Variants in SLC49A4 observed in about 807,000 individuals in gnomAD.
SLC49A4 encodes the protein disrupted in renal cancer protein 2.
Under a neutral mutation model 50.6 loss-of-function variants are expected in SLC49A4, and 36 were observed. The observed-to-expected ratio is 0.71, with a 90% CI of 0.55 to 0.94. The LOEUF is 0.94. SLC49A4 is among the 40% of genes least tolerant of loss of function. The pLI is 0.00. For missense variants in SLC49A4, 503 were observed against 605.7 expected (o/e 0.83, Z 1.78); for synonymous variants, 248 against 241.2 (o/e 1.03, Z -0.26).
intron 2 of SLC49A4, among the ~76,000 whole-genome samples, chr3:122,811,163 G>A (rs1257123454): frequency 1.3e-5 from 2 of 152,090 alleles, no homozygotes; most frequent in African/African-American, 2.4e-5. Context: ...ATTTGCAACC[G>A]TAAGACAAAT....
chr3:122,800,500 T>C (rs1472896098), intron 1 of SLC49A4, among the ~76,000 whole-genome samples: 1 of 152,232 alleles, frequency 6.6e-6, no homozygotes, highest in Non-Finnish European at 1.5e-5. Flanking sequence ...TTAGGTTTTG[T>C]TTTGTTTTTT....
At chr3:122,801,596 CAAAA>C (rs145867722) in intron 1 of SLC49A4, among the ~76,000 whole-genome samples, 3 of 151,674 alleles carry the variant, frequency 2.0e-5, no homozygotes, top group Admixed American at 1.3e-4. Flanking sequence ...ATCTCAAAAA[CAAAA>C]AAAGAAATTG....
intron 2 of SLC49A4, 24 bp from the exon 3 acceptor site, chr3:122,826,776 A>G: frequency 6.2e-7 from 1 of 1,608,320 alleles, no homozygotes; most frequent in Non-Finnish European, 8.5e-7. Flanking sequence ...AATACCTCAC[A>G]GCCTTTTAAT....
At chr3:122,878,298 G>A (rs954893231) in intron 8 of SLC49A4, among the ~76,000 whole-genome samples, 3 of 152,192 alleles carry the variant, frequency 2.0e-5, no homozygotes, top group African/African-American at 7.2e-5. Context: ...CTGCTGAATG[G>A]ATATTAAACT....
intron 5 of SLC49A4, among the ~76,000 whole-genome samples, chr3:122,852,241 T>A (rs1936936201): frequency 6.6e-6 from 1 of 152,154 alleles, no homozygotes; most frequent in South Asian, 2.1e-4. Flanking sequence ...ATTCGCCTGC[T>A]TTGGCTTCCC....
At chr3:122,878,882 T>G (rs2107586615) in intron 8 of SLC49A4, among the ~76,000 whole-genome samples, 1 of 152,364 alleles carries the variant, frequency 6.6e-6, no homozygotes, top group South Asian at 2.1e-4. Flanking sequence ...GTCTTTTTAA[T>G]CCATCAGATA....
intron 4 of SLC49A4, 64 bp from the exon 5 acceptor site, chr3:122,845,699 C>T: frequency 1.5e-6 from 1 of 651,136 alleles, no homozygotes; most frequent in Non-Finnish European, 2.0e-6. Context: ...ATACATTTTT[C>T]ATGACTAAGT....
At chr3:122,822,970 TC>T (rs1014425749) in intron 2 of SLC49A4, among the ~76,000 whole-genome samples, 3 of 152,096 alleles carry the variant, frequency 2.0e-5, no homozygotes, top group African/African-American at 7.2e-5. Context: ...GCCCTCCACC[TC>T]CCCACTGTGT....
chr3:122,854,421 C>T (rs1399774266), intron 5 of SLC49A4, among the ~76,000 whole-genome samples: 1 of 152,218 alleles, frequency 6.6e-6, no homozygotes, highest in East Asian at 1.9e-4. Flanking sequence ...TCTGGGACAG[C>T]GTGTGTAATC....
intron 7 of SLC49A4, 56 bp from the exon 8 acceptor site, chr3:122,872,359 C>G: frequency 7.0e-7 from 1 of 1,423,300 alleles, no homozygotes; most frequent in Middle Eastern, 1.8e-4. Flanking sequence ...GAAGATCTAT[C>G]TGATATGACT....
At chr3:122,810,356 TA>T (rs544997167) in intron 2 of SLC49A4, among the ~76,000 whole-genome samples, 129 of 152,324 alleles carry the variant, frequency 8.5e-4, no homozygotes, top group African/African-American at 2.9e-3. Flanking sequence ...TAACAAATTA[TA>T]AAGCATTTTT....
intron 8 of SLC49A4, among the ~76,000 whole-genome samples, chr3:122,874,167 A>G (rs1937232709): frequency 6.6e-6 from 1 of 152,166 alleles, no homozygotes; most frequent in South Asian, 2.1e-4. Context: ...AGACACCAAT[A>G]ATGGAAACTG....
intron 2 of SLC49A4, among the ~76,000 whole-genome samples, chr3:122,810,923 T>G (rs139885398): frequency 1.8e-4 from 28 of 152,284 alleles, no homozygotes; most frequent in Admixed American, 1.0e-3. Flanking sequence ...CCTTACCACT[T>G]AAGTAAATCC....
chr3:122,815,610 A>T (rs1936354870), intron 2 of SLC49A4, among the ~76,000 whole-genome samples: 1 of 152,234 alleles, frequency 6.6e-6, no homozygotes, highest in South Asian at 2.1e-4. Context: ...CTTCCCATGT[A>T]GAGAACATAC....
At chr3:122,874,235 A>T (rs1206595354) in intron 8 of SLC49A4, among the ~76,000 whole-genome samples, 1 of 152,198 alleles carries the variant, frequency 6.6e-6, no homozygotes, top group African/African-American at 2.4e-5. Context: ...TTGCCTGGCC[A>T]GTAGTTTATC....
intron 5 of SLC49A4, among the ~76,000 whole-genome samples, chr3:122,850,539 G>GTCTCAAATCAGATCAA (rs1936913144): frequency 6.7e-6 from 1 of 149,280 alleles, no homozygotes. Flanking sequence ...ACAGCATCTT[G>GTCTCAAATCAGATCAA]ATCTGTTGCC....
At position 122,827,196 on chromosome 3, in the gene SLC49A4, G is replaced by A. The variant is rs539386096; in HGVS notation, c.703+131G>A. 34 of 969,518 alleles carry A rather than the reference G, an allele frequency of 3.5e-5. No individual in the cohort carries two copies. The African/African-American group carries it at 4.9e-4, about 14-fold the overall frequency. The allele number at this position is 969,518 out of a possible 1,614,324, so 60.1% of individuals were successfully genotyped here. A position where few individuals can be genotyped will look rare whatever the true frequency, so the allele number is the denominator to read the frequency against. On this transcript the variant is annotated intron_variant, in intron 3 of 8. Transcript: ENST00000261038. ...ACTAATATGTAAATTTACATGCACT[G>A]TGCATTCCTTGTCATATGATATAGA...
At chr3:122,843,497 T>A (rs1467012582) in intron 4 of SLC49A4, among the ~76,000 whole-genome samples, 1 of 152,246 alleles carries the variant, frequency 6.6e-6, no homozygotes, top group Non-Finnish European at 1.5e-5. Flanking sequence ...TTTTAAATAA[T>A]AATTTGCTAA....
chr3:122,854,201 T>C (rs144941998), intron 5 of SLC49A4, among the ~76,000 whole-genome samples: 5 of 152,278 alleles, frequency 3.3e-5, no homozygotes, highest in Non-Finnish European at 5.9e-5. Flanking sequence ...CAAATGCCAA[T>C]AGTGTGAAAA....
Sources: gnomAD v4.1 joint callset for allele counts (sites outside exome capture counted in the v4.1 genomes callset) on GRCh38, gnomAD v4.1.1 for gene constraint, MANE v1.5 for transcripts, NCBI Gene and HGNC (gene_info 2026-07-23, HGNC 2026-07-21) for gene names.